The following FGF2 variants were observed in gnomAD, a reference collection of about 807,000 sequenced individuals.
FGF2 encodes fibroblast growth factor 2.
FGF2 carries 13 observed loss-of-function variants against 15.9 expected under a neutral mutation model. The ratio of observed to expected loss-of-function variants is 0.82; its 90% CI spans 0.53 to 1.30. FGF2 has a LOEUF of 1.30. FGF2 is among the 50% of genes most tolerant of loss of function. FGF2 has a pLI of 0.00. For synonymous variants in FGF2, 90 were observed against 78.4 expected (o/e 1.15, Z -0.78); for missense variants, 163 against 196.9 (o/e 0.83, Z 1.03).
intron 1 of FGF2, 130 bp from the exon 2 acceptor site, chr4:122,876,191 C>G (rs1578475159): frequency 2.8e-6 from 2 of 710,966 alleles, no homozygotes; most frequent in Non-Finnish European, 5.1e-6. Context: ...ACCCATACCC[C>G]CAACCTCACC....
intron 1 of FGF2, among the ~76,000 whole-genome samples, chr4:122,828,164 A>G (rs1725688025): frequency 6.6e-6 from 1 of 152,222 alleles, no homozygotes; most frequent in East Asian, 1.9e-4. Flanking sequence ...GTGGTTCTAG[A>G]AAGAACACTG....
At chr4:122,852,395 G>A (rs1335231382) in intron 1 of FGF2, among the ~76,000 whole-genome samples, 1 of 152,208 alleles carries the variant, frequency 6.6e-6, no homozygotes, top group Non-Finnish European at 1.5e-5. Context: ...AGGGTTCCAA[G>A]AGAGCAAGCT....
rs1725647825 is a variant in FGF2 at position 122,826,979 on chromosome 4, G to A, written c.-196G>A. 3.1e-6 allele frequency: 4 copies of A among 1,299,400 alleles called. No individual in the cohort carries two copies. The highest frequency in any genetic ancestry group is 3.9e-6 in the Non-Finnish European group (4 of 1,022,626). The allele number at this position is 1,299,400 out of a possible 1,614,324, so 80.5% of individuals were successfully genotyped here. The stretch of plus-strand genomic sequence containing the variant: ...CCGGCTCGCCGCGCACCAGGGGCCG[G>A]CGGACAGAAGAGCGGCCGAGCGGCT... On this transcript the variant is annotated 5_prime_UTR_variant, in exon 1 of 3. Transcript: ENST00000644866.
rs116307367 is a variant in FGF2 at position 122,834,346 on chromosome 4, C to T, written c.178+6994C>T. 1.7e-3 allele frequency among the ~76,000 whole-genome samples: 255 copies of T among 152,358 alleles called. 4 individuals carry two copies. Among genetic ancestry groups the T allele is most frequent in the African/African-American group, 5.9e-3 (247 of 41,588 alleles). On this transcript the variant is annotated intron_variant, in intron 1 of 2. Coordinates refer to ENST00000644866, the MANE Select transcript of FGF2 (RefSeq NM_001361665.2). The stretch of plus-strand genomic sequence containing the variant: ...CTCAGGTATGCTGTGCATTGTTTTT[C>T]ATTCTTATTTTCTTTTGTGAATAAT...
intron 1 of FGF2, among the ~76,000 whole-genome samples, chr4:122,850,300 T>C (rs1328513739): frequency 1.3e-5 from 2 of 151,570 alleles, no homozygotes; most frequent in East Asian, 1.9e-4. Context: ...GTAAAAGTTG[T>C]GAGTTGAGCA....
At chr4:122,852,646 C>A (rs1258186890) in intron 1 of FGF2, among the ~76,000 whole-genome samples, 1 of 152,190 alleles carries the variant, frequency 6.6e-6, no homozygotes, top group African/African-American at 2.4e-5. Flanking sequence ...ATTTTACCAA[C>A]TTTCCCTTAA....
intron 2 of FGF2, among the ~76,000 whole-genome samples, chr4:122,876,701 A>G (rs1171271376): frequency 6.6e-6 from 1 of 152,196 alleles, no homozygotes. Context: ...CTGCAAAACT[A>G]TTAAGCTATA....
chr4:122,865,676 C>T (rs1726559700), intron 1 of FGF2, among the ~76,000 whole-genome samples: 2 of 152,256 alleles, frequency 1.3e-5, no homozygotes, highest in East Asian at 1.9e-4. Flanking sequence ...TACTTTAATA[C>T]ATCATATGAT....
intron 1 of FGF2, chr4:122,840,668 G>A (rs45503897): frequency 0.028 from 5,447 of 191,942 alleles, 119 homozygotes; most frequent in Non-Finnish European, 0.044. Flanking sequence ...GCTGCCCCAC[G>A]ACCTCCACTA....
chr4:122,851,100 T>C (rs961046283), intron 1 of FGF2, among the ~76,000 whole-genome samples: 2 of 152,258 alleles, frequency 1.3e-5, no homozygotes, highest in Admixed American at 6.5e-5. Flanking sequence ...AGCACAATTT[T>C]AGTATTATTT....
rs773244197 is a variant in FGF2, at chr4:122,826,942, G to A, written c.-233G>A. On this transcript the variant is annotated 5_prime_UTR_variant, in exon 1 of 3. Transcript: ENST00000644866. Reference sequence around the variant, plus strand: ...CGGAGACACCCATCCGTGAACCCCAGGTCCCGGGCCGCCGGCTCGCCGCGC... The same window carrying A: ...CGGAGACACCCATCCGTGAACCCCAAGTCCCGGGCCGCCGGCTCGCCGCGC... 1 of 1,388,756 alleles carries A rather than the reference G, an allele frequency of 7.2e-7. No homozygotes were observed. The highest frequency in any genetic ancestry group is 1.6e-5 in the South Asian group (1 of 61,652). 86.0% of individuals were successfully genotyped at this position (1,388,756 alleles called of 1,614,324 possible). A position where few individuals can be genotyped will look rare whatever the true frequency, so the allele number is the denominator to read the frequency against.
At chr4:122,892,131 T>C in intron 2 of FGF2, 80 bp from the exon 3 acceptor site, 1 of 1,233,358 alleles carries the variant, frequency 8.1e-7, no homozygotes, top group South Asian at 1.3e-5. Flanking sequence ...ATAGGCATTA[T>C]ACTATCATAA....
chr4:122,890,281 A>T (rs1334952624), intron 2 of FGF2, among the ~76,000 whole-genome samples: 1 of 152,144 alleles, frequency 6.6e-6, no homozygotes, highest in Non-Finnish European at 1.5e-5. Context: ...TCACATTTGA[A>T]TCTTTATGAA....
chr4:122,837,387 A>G (rs2150763961), intron 1 of FGF2, among the ~76,000 whole-genome samples: 1 of 152,322 alleles, frequency 6.6e-6, no homozygotes, highest in Admixed American at 6.5e-5. Context: ...AAACGGTCAA[A>G]TAATGCTTCC....
At chr4:122,837,711 G>T (rs536331781) in intron 1 of FGF2, among the ~76,000 whole-genome samples, 1 of 152,152 alleles carries the variant, frequency 6.6e-6, no homozygotes, top group African/African-American at 2.4e-5. Flanking sequence ...ACTTGAATTG[G>T]ATGGGGACTC....
At chr4:122,839,534 G>A (rs56890011) in intron 1 of FGF2, among the ~76,000 whole-genome samples, 8,935 of 152,198 alleles carry the variant, frequency 0.059, 325 homozygotes, top group African/African-American at 0.083. Flanking sequence ...AGACACGTCC[G>A]GAAAAGTGTC....
upstream of FGF2, chr4:122,826,761 T>TG: frequency 7.7e-7 from 1 of 1,294,674 alleles, no homozygotes; most frequent in South Asian, 2.2e-5. Context: ...GGAGGAGAAC[T>TG]GGGGGCGCGG....
chr4:122,850,261 CAAAAAAAAAAAGA>C (rs1726201820), intron 1 of FGF2, among the ~76,000 whole-genome samples: 1 of 112,008 alleles, frequency 8.9e-6, no homozygotes. Flanking sequence ...GACTCTGTCT[CAAAAAAAAAAAGA>C]AAAAAAAAAG....
chr4:122,891,424 C>CTCT (rs745469579), intron 2 of FGF2, among the ~76,000 whole-genome samples: 1 of 135,262 alleles, frequency 7.4e-6, no homozygotes, highest in Non-Finnish European at 1.6e-5. Context: ...GCCAGCTATC[C>CTCT]TTTTTTTTTT....
Sources: gnomAD v4.1 joint callset for allele counts (sites outside exome capture counted in the v4.1 genomes callset) on GRCh38, gnomAD v4.1.1 for gene constraint, MANE v1.5 for transcripts, NCBI Gene and HGNC (gene_info 2026-07-23, HGNC 2026-07-21) for gene names.